The following GNAO1 variants were observed in gnomAD, a reference collection of about 807,000 sequenced individuals.
The protein encoded by GNAO1 is guanine nucleotide-binding protein G(o) subunit alpha.
For missense variants in GNAO1, 166 were observed against 478.7 expected (o/e 0.35, Z 6.10); for synonymous variants, 164 against 180.7 (o/e 0.91, Z 0.74).
At chr16:56,320,182 C>T (rs1034182199) in intron 3 of GNAO1, among the ~76,000 whole-genome samples, 12 of 152,144 alleles carry the variant, frequency 7.9e-5, no homozygotes, top group Non-Finnish European at 7.3e-5. Flanking sequence ...CAGAAATATA[C>T]AGTCCCAGCC....
intron 3 of GNAO1, among the ~76,000 whole-genome samples, chr16:56,287,009 C>T (rs1326818175): frequency 6.6e-6 from 1 of 152,200 alleles, no homozygotes; most frequent in African/African-American, 2.4e-5. Flanking sequence ...AGGCTGAGTC[C>T]ACTGCAGCAG....
chr16:56,218,141 G>A (rs1357713447), intron 2 of GNAO1, among the ~76,000 whole-genome samples: 1 of 152,182 alleles, frequency 6.6e-6, no homozygotes, highest in Non-Finnish European at 1.5e-5. Context: ...GCCCCAGGTG[G>A]GCGAGAGATC....
Position 56,330,191 on chromosome 16 carries a change from G to A in GNAO1, c.464+1400G>A, listed in dbSNP as rs537712087. On this transcript the variant is annotated intron_variant, in intron 4 of 8. Transcript: ENST00000262493. ...CCCCCGGGCCTGATGAGCTCCCAGG[G>A]ACACCCTGGTGGTCAGGGCAGTGAG... Among the ~76,000 whole-genome samples, 212 of 152,342 alleles carry A rather than the reference G, an allele frequency of 1.4e-3. 1 individual carries two copies. The highest frequency in any genetic ancestry group is 6.8e-3 in the Middle Eastern group (2 of 294).
intron 2 of GNAO1, chr16:56,245,586 G>A (rs1299873057): frequency 1.3e-5 from 2 of 154,764 alleles, no homozygotes; most frequent in Non-Finnish European, 2.9e-5. Flanking sequence ...TTGTAGATAC[G>A]AGCACCAGCC....
intron 2 of GNAO1, among the ~76,000 whole-genome samples, chr16:56,210,651 G>A (rs2036377570): frequency 6.6e-6 from 1 of 152,150 alleles, no homozygotes; most frequent in African/African-American, 2.4e-5. Context: ...GAGAAATTTG[G>A]ATTTCTCTAA....
At chr16:56,327,591 C>T (rs2037648429) in intron 3 of GNAO1, among the ~76,000 whole-genome samples, 1 of 152,092 alleles carries the variant, frequency 6.6e-6, no homozygotes, top group African/African-American at 2.4e-5. Context: ...CTGCAGGAGC[C>T]TTCTTATCTT....
At chr16:56,242,445 C>A (rs775686030) in intron 2 of GNAO1, among the ~76,000 whole-genome samples, 11 of 152,120 alleles carry the variant, frequency 7.2e-5, no homozygotes, top group Non-Finnish European at 1.2e-4. Flanking sequence ...ATAATCAGTA[C>A]AACATGGTAC....
intron 3 of GNAO1, among the ~76,000 whole-genome samples, chr16:56,319,561 C>T (rs1158445847): frequency 2.0e-5 from 3 of 152,124 alleles, no homozygotes; most frequent in South Asian, 2.1e-4. Context: ...CTACCTGCTG[C>T]GCACCATGGG....
intron 2 of GNAO1, among the ~76,000 whole-genome samples, chr16:56,237,935 G>T (rs1285872637): frequency 6.6e-6 from 1 of 152,210 alleles, no homozygotes; most frequent in Non-Finnish European, 1.5e-5. Flanking sequence ...TCATCTGTGG[G>T]ATCCGTAACC....
At chr16:56,294,214 G>A (rs1206665936) in intron 3 of GNAO1, among the ~76,000 whole-genome samples, 3 of 152,078 alleles carry the variant, frequency 2.0e-5, no homozygotes, top group African/African-American at 2.4e-5. Context: ...GGCAGGCCCC[G>A]TCGCTCTCTG....
Position 56,351,266 on chromosome 16 carries a change from G to T in GNAO1, c.724-118G>T. 1.5e-6 allele frequency: 1 copy of T among 665,940 alleles called. No individual in the cohort carries two copies. Among genetic ancestry groups the T allele is most frequent in the Non-Finnish European group, 2.6e-6 (1 of 383,788 alleles). The allele number at this position is 665,940 out of a possible 1,614,324, so 41.3% of individuals were successfully genotyped here. A position where few individuals can be genotyped will look rare whatever the true frequency, so the allele number is the denominator to read the frequency against. ...TCAGGTTCCATCTGGCAGCCTCTCG[G>T]AGGAGCTGCCGAGTAGCCCAGTCCC... On this transcript the variant is annotated intron_variant, in intron 6 of 8. Coordinates refer to ENST00000262493, the MANE Select transcript of GNAO1 (RefSeq NM_020988.3). This position sits in a 1 kb window ranked among gnomAD's most constrained non-coding sequence, Gnocchi z 6.1.
chr16:56,260,544 G>C (rs1194113621), intron 2 of GNAO1, among the ~76,000 whole-genome samples: 1 of 152,128 alleles, frequency 6.6e-6, no homozygotes, highest in Non-Finnish European at 1.5e-5. Flanking sequence ...CCTCTACTGA[G>C]CCCGACTCTG....
chr16:56,219,401 A>G (rs1365550826), intron 2 of GNAO1, among the ~76,000 whole-genome samples: 1 of 152,138 alleles, frequency 6.6e-6, no homozygotes, highest in African/African-American at 2.4e-5. Flanking sequence ...TGGGAAGTCA[A>G]GGCACCCCAT....
At chr16:56,345,784 C>G in intron 6 of GNAO1, 1 of 985,556 alleles carries the variant, frequency 1.0e-6, no homozygotes, top group African/African-American at 1.7e-5. Flanking sequence ...TTCTCAGCAG[C>G]ACCACGCTGG....
intron 2 of GNAO1, among the ~76,000 whole-genome samples, chr16:56,244,582 G>A (rs2036724846): frequency 6.6e-6 from 1 of 152,008 alleles, no homozygotes; most frequent in African/African-American, 2.4e-5. Context: ...GCTGGGGAAG[G>A]CCACCCTCAG....
chr16:56,257,257 G>A (rs1299529476), intron 2 of GNAO1, among the ~76,000 whole-genome samples: 2 of 152,056 alleles, frequency 1.3e-5, no homozygotes, highest in Non-Finnish European at 2.9e-5. Flanking sequence ...ATGTTGAGTC[G>A]GCAATCCATG....
chr16:56,235,812 G>T (rs574316879), intron 2 of GNAO1, among the ~76,000 whole-genome samples: 2 of 152,306 alleles, frequency 1.3e-5, no homozygotes, highest in African/African-American at 4.8e-5. Context: ...CATGATTCTG[G>T]CAGGAGATAA....
intron 3 of GNAO1, among the ~76,000 whole-genome samples, chr16:56,325,107 A>G (rs1253191459): frequency 1.3e-5 from 2 of 152,216 alleles, no homozygotes; most frequent in African/African-American, 4.8e-5. Context: ...TGGGCTGGGC[A>G]GTCAGTCTCT....
intron 3 of GNAO1, among the ~76,000 whole-genome samples, chr16:56,291,187 C>T (rs527426685): frequency 6.6e-6 from 1 of 152,280 alleles, no homozygotes; most frequent in African/African-American, 2.4e-5. Context: ...TCTGAGGAAC[C>T]ATCAAACTGT....
Sources: allele counts gnomAD v4.1 joint callset (sites outside exome capture counted in the v4.1 genomes callset), GRCh38; gene constraint gnomAD v4.1.1; non-coding constraint Gnocchi (gnomAD v3.1); transcripts MANE v1.5; gene names NCBI Gene and HGNC (gene_info 2026-07-23, HGNC 2026-07-21).